Variants in ARHGAP22 observed in about 807,000 individuals in gnomAD.
ARHGAP22 encodes Rho GTPase activating protein 22.
A neutral mutation model predicts 59.1 loss-of-function variants in ARHGAP22; 48 were observed. That is an observed-to-expected ratio of 0.81 (90% CI 0.64 to 1.03). The LOEUF (loss-of-function observed/expected upper bound fraction) is 1.03, where lower values mean the gene tolerates loss of function less well. Ranked by LOEUF, ARHGAP22 falls within the 50% of genes least tolerant of loss-of-function variation. The pLI is 0.00. For synonymous variants in ARHGAP22, 445 were observed against 416.4 expected (o/e 1.07, Z -0.84); for missense variants, 1,015 against 958.7 (o/e 1.06, Z -0.78).
At chr10:48,459,514 G>A (rs1589486879) in intron 5 of ARHGAP22, among the ~76,000 whole-genome samples, 170 bp downstream of exon 5, 1 of 152,214 alleles carries the variant, frequency 6.6e-6, no homozygotes, top group Admixed American at 6.5e-5. Context: ...CCTGAGAGGG[G>A]ACCCCGGGCT....
intron 3 of ARHGAP22, among the ~76,000 whole-genome samples, chr10:48,516,573 C>T (rs888520165): frequency 6.6e-5 from 10 of 151,994 alleles, no homozygotes; most frequent in African/African-American, 2.4e-4. Context: ...AACTGTTTGC[C>T]AACAAATTAG....
rs184483165 is a variant in ARHGAP22, at chr10:48,569,961, C to T, written c.234+12992G>A. 2.6e-4 allele frequency among the ~76,000 whole-genome samples: 40 copies of T among 152,284 alleles called. No homozygotes were observed. In the East Asian group the frequency reaches 5.4e-3, roughly 21 times the overall value. On this transcript the variant is annotated intron_variant, in intron 2 of 9. Transcript: ENST00000249601. ...ATTGCTGATGCTGTCATTTCAGGGGCCTGCTCTCAGAACCCTGCAGGATGG... is the reference window on the plus strand; with the variant it reads ...ATTGCTGATGCTGTCATTTCAGGGGTCTGCTCTCAGAACCCTGCAGGATGG...
At position 48,455,043 on chromosome 10, in the gene ARHGAP22, A is replaced by C. The variant is rs1384881509; in HGVS notation, c.751T>G (p.Phe251Val). ...GTGAGCAGCTGGGCGCAGCTGAGGA[A>C]GTCCTCGTACCTGGCGAAGGGGACC... ...PVVPFARYED[F>V]LSCAQLLTKD... Residue 251 changes from phenylalanine (F) to valine (V), a missense_variant, in exon 6 of 10, where the codon TTC (phenylalanine) becomes GTC (valine). Transcript: ENST00000249601. The C allele has an allele frequency of 6.2e-7, 1 of 1,611,498 alleles. No individual in the cohort carries two copies. The highest frequency in any genetic ancestry group is 8.5e-7 in the Non-Finnish European group (1 of 1,178,876).
chr10:48,519,107 G>A (rs1446468618), intron 3 of ARHGAP22, among the ~76,000 whole-genome samples: 5 of 152,154 alleles, frequency 3.3e-5, no homozygotes, highest in South Asian at 2.1e-4. Context: ...GAGCAGAGAC[G>A]GAATGGCAGA....
rs985601551 is a variant in ARHGAP22, at chr10:48,456,999, G to T, written c.660-1865C>A. ...CAGCCTGTGGGCCTCCCAGCATGCG[G>T]CGACATTAGCGCAGGCGGAGGGTGG... On this transcript the variant is annotated intron_variant, in intron 5 of 9. Transcript: ENST00000249601. Among the ~76,000 whole-genome samples the T allele has an allele frequency of 2.1e-4, 32 of 152,190 alleles. 1 individual carries two copies. Among genetic ancestry groups the T allele is most frequent in the Admixed American group, 7.8e-4 (12 of 15,306 alleles).
chr10:48,586,677 C>T (rs2059445579), intron 1 of ARHGAP22, among the ~76,000 whole-genome samples: 1 of 152,202 alleles, frequency 6.6e-6, no homozygotes, highest in African/African-American at 2.4e-5. Flanking sequence ...TTTGAGCGTT[C>T]CTACTCCATA....
At chr10:48,545,215 T>C (rs975780968) in intron 3 of ARHGAP22, among the ~76,000 whole-genome samples, 2 of 152,244 alleles carry the variant, frequency 1.3e-5, no homozygotes, top group Admixed American at 1.3e-4. Context: ...GTGTACTCAC[T>C]AGAAAATTTA....
chr10:48,464,403 A>G (rs1204647385), intron 4 of ARHGAP22, among the ~76,000 whole-genome samples: 1 of 152,248 alleles, frequency 6.6e-6, no homozygotes, highest in Non-Finnish European at 1.5e-5. Context: ...CAGGGATGGA[A>G]GAGCCAGGAA....
chr10:48,543,965 T>C lies in ARHGAP22; in HGVS notation c.322+11498A>G, dbSNP rs149085543. ...GGTGAAACCCCGTCTCTACTAAAAA[T>C]ACAAAGAAATTAGCCGGACATGGTG... On this transcript the variant is annotated intron_variant, in intron 3 of 9. Coordinates refer to ENST00000249601, the MANE Select transcript of ARHGAP22 (RefSeq NM_021226.4). Among the ~76,000 whole-genome samples the C allele has an allele frequency of 8.4e-3, 1,279 of 152,130 alleles. 14 individuals carry two copies. The highest frequency in any genetic ancestry group is 0.03 in the African/African-American group (1,226 of 41,510).
At chr10:48,472,406 C>A (rs778557098) in intron 4 of ARHGAP22, among the ~76,000 whole-genome samples, 5 of 152,002 alleles carry the variant, frequency 3.3e-5, no homozygotes, top group Non-Finnish European at 7.4e-5. Flanking sequence ...TGCCTGTAAT[C>A]CCAGCTACTC....
At chr10:48,513,303 A>C (rs2052973609) in intron 3 of ARHGAP22, among the ~76,000 whole-genome samples, 1 of 152,250 alleles carries the variant, frequency 6.6e-6, no homozygotes, top group African/African-American at 2.4e-5. Flanking sequence ...ATACTCCTAG[A>C]GATCCAGAAA....
intron 3 of ARHGAP22, among the ~76,000 whole-genome samples, chr10:48,522,733 C>T (rs1314447256): frequency 6.6e-6 from 1 of 152,186 alleles, no homozygotes; most frequent in African/African-American, 2.4e-5. Flanking sequence ...AAGAATGAAG[C>T]CTCATGTGCA....
At chr10:48,444,544 C>T (rs116304854), downstream of ARHGAP22, 1 of 152,342 alleles carries the variant, frequency 6.6e-6, no homozygotes, top group African/African-American at 2.4e-5. Flanking sequence ...CTACTGGGGA[C>T]TCAGCAGGAG....
intron 3 of ARHGAP22, among the ~76,000 whole-genome samples, chr10:48,492,268 C>CT (rs539514841): frequency 2.0e-5 from 3 of 151,994 alleles, no homozygotes; most frequent in East Asian, 1.9e-4. Flanking sequence ...TTTTTTAAAA[C>CT]TTTTTTTTAA....
chr10:48,533,273 T>A (rs1408544975), intron 3 of ARHGAP22, among the ~76,000 whole-genome samples: 1 of 151,924 alleles, frequency 6.6e-6, no homozygotes, highest in Admixed American at 6.6e-5. Context: ...CATCTTTTTC[T>A]AGAGAAAAAG....
At chr10:48,506,777 G>A (rs773864940) in intron 3 of ARHGAP22, among the ~76,000 whole-genome samples, 4 of 152,130 alleles carry the variant, frequency 2.6e-5, no homozygotes, top group African/African-American at 4.8e-5. Flanking sequence ...GGTGCCCCTA[G>A]AGTTATGTGA....
At chr10:48,434,857 T>G in the ARHGAP22 span, 1 of 1,584,352 alleles carries the variant, frequency 6.3e-7, no homozygotes, top group African/African-American at 1.4e-5. Flanking sequence ...CTGCAACTGA[T>G]TTGCTGTTTT....
intron 1 of ARHGAP22, among the ~76,000 whole-genome samples, chr10:48,642,576 T>C (rs1253869321): frequency 2.0e-5 from 3 of 152,080 alleles, no homozygotes; most frequent in Non-Finnish European, 2.9e-5. Context: ...ACACCTTATA[T>C]AAAAATTAAT....
chr10:48,627,375 G>A (rs570677396), intron 1 of ARHGAP22, among the ~76,000 whole-genome samples: 3 of 152,330 alleles, frequency 2.0e-5, no homozygotes, highest in East Asian at 3.9e-4. Context: ...CCTAACCAGT[G>A]TGGTCTGCAC....
Sources: allele counts gnomAD v4.1 joint callset (sites outside exome capture counted in the v4.1 genomes callset), GRCh38; gene constraint gnomAD v4.1.1; transcripts MANE v1.5; gene names NCBI Gene and HGNC (gene_info 2026-07-23, HGNC 2026-07-21).